SMARCC1: variants seen among roughly 807,000 people sequenced by gnomAD.
The protein encoded by SMARCC1 is SWI/SNF related BAF chromatin remodeling complex subunit C1, also known as SWI/SNF complex subunit SMARCC1.
SMARCC1 carries 43 observed loss-of-function variants against 147.4 expected under a neutral mutation model. That is an observed-to-expected ratio of 0.29 (90% CI 0.23 to 0.38). The LOEUF (loss-of-function observed/expected upper bound fraction) is 0.38, where lower values mean the gene tolerates loss of function less well. Among genes scored for constraint, SMARCC1 ranks in the 10% least tolerant of loss-of-function variants. The probability of loss-of-function intolerance (pLI) is 1.00; values close to 1 mark genes in which losing one functional copy is unlikely to be tolerated. For missense variants in SMARCC1, 1,119 were observed against 1,381.1 expected (o/e 0.81, Z 3.01); for synonymous variants, 495 against 484.4 (o/e 1.02, Z -0.29).
intron 26 of SMARCC1, among the ~76,000 whole-genome samples, chr3:47,594,586 G>A (rs993185348): frequency 1.3e-5 from 2 of 152,148 alleles, no homozygotes; most frequent in African/African-American, 4.8e-5. Flanking sequence ...TGCACATAAA[G>A]GAGTGAAAGG....
At chr3:47,736,621 G>A (rs1318180006) in intron 4 of SMARCC1, among the ~76,000 whole-genome samples, 1 of 150,834 alleles carries the variant, frequency 6.6e-6, no homozygotes, top group African/African-American at 2.4e-5. Flanking sequence ...AGCTTGCAGT[G>A]AGCCGAGATC....
At chr3:47,749,068 C>T (rs148299460) in intron 2 of SMARCC1, among the ~76,000 whole-genome samples, 8 of 152,010 alleles carry the variant, frequency 5.3e-5, no homozygotes, top group East Asian at 3.9e-4. Context: ...TTTGGGAGGC[C>T]GAGTTGGGTT....
At chr3:47,662,871 G>A (rs892141602) in intron 19 of SMARCC1, among the ~76,000 whole-genome samples, 2 of 151,122 alleles carry the variant, frequency 1.3e-5, no homozygotes, top group African/African-American at 2.4e-5. Context: ...TCAGGAGTTC[G>A]AGAGCAGCCT....
intron 11 of SMARCC1, among the ~76,000 whole-genome samples, chr3:47,695,464 T>C (rs1006123657): frequency 2.0e-5 from 3 of 152,066 alleles, no homozygotes; most frequent in East Asian, 1.9e-4. Context: ...CCTGTAGTGG[T>C]TGAATAAAAG....
chr3:47,672,797 T>C (rs868584849), intron 18 of SMARCC1, among the ~76,000 whole-genome samples: 3 of 151,300 alleles, frequency 2.0e-5, no homozygotes, highest in Admixed American at 6.6e-5. Context: ...TCTTCTTTTT[T>C]AGATGGAGTC....
At chr3:47,757,169 T>C (rs1372133161) in intron 2 of SMARCC1, among the ~76,000 whole-genome samples, 1 of 152,024 alleles carries the variant, frequency 6.6e-6, no homozygotes, top group African/African-American at 2.4e-5. Context: ...GAAGATCCTC[T>C]GAGCCCAGGC....
chr3:47,679,287 T>C (rs973987999), intron 15 of SMARCC1, among the ~76,000 whole-genome samples: 8 of 151,532 alleles, frequency 5.3e-5, no homozygotes, highest in African/African-American at 1.7e-4. Flanking sequence ...TTGACAGATA[T>C]GTACTTATAT....
intron 25 of SMARCC1, among the ~76,000 whole-genome samples, chr3:47,616,157 T>C (rs1468734154): frequency 6.6e-6 from 1 of 152,210 alleles, no homozygotes; most frequent in African/African-American, 2.4e-5. Flanking sequence ...GGCCCTTCAA[T>C]TCTCTCCAGG....
intron 18 of SMARCC1, among the ~76,000 whole-genome samples, chr3:47,671,742 A>T (rs896268393): frequency 2.6e-5 from 4 of 152,236 alleles, no homozygotes; most frequent in African/African-American, 7.2e-5. Flanking sequence ...AGCTATAAAC[A>T]TTACTAATTC....
Position 47,747,466 on chromosome 3 carries a change from A to AATATAAATATAAAT in SMARCC1, c.316-1487_316-1474dup, listed in dbSNP as rs1269234973. ...AAATATAAATATAAATATAAATATAAATATAAATATAAATATAAAAATTAG... is the reference window on the plus strand; with the variant it reads ...AAATATAAATATAAATATAAATATAAATATAAATATAAATATATAAATATAAATATAAAAATTAG... On this transcript the variant is annotated intron_variant, in intron 2 of 27. Coordinates refer to ENST00000254480, the MANE Select transcript of SMARCC1 (RefSeq NM_003074.4). 3.4e-5 allele frequency among the ~76,000 whole-genome samples: 5 copies of AATATAAATATAAAT among 146,908 alleles called. No individual in the cohort carries two copies. In the Admixed American group the frequency reaches 3.4e-4, roughly 10 times the overall value.
chr3:47,701,750 GT>G (rs2033920859), intron 10 of SMARCC1: 1 of 202,758 alleles, frequency 4.9e-6, no homozygotes, highest in African/African-American at 2.4e-5. Context: ...GAAGGTGGAG[GT>G]TGGAGTGAGC....
intron 1 of SMARCC1, among the ~76,000 whole-genome samples, chr3:47,778,987 CA>C (rs956231699): frequency 9.7e-5 from 14 of 144,574 alleles, no homozygotes; most frequent in African/African-American, 1.0e-4. Flanking sequence ...GACCCTGTCT[CA>C]AAAAAAAAAG....
intron 26 of SMARCC1, among the ~76,000 whole-genome samples, chr3:47,592,059 A>G (rs562665361): frequency 7.4e-4 from 113 of 152,174 alleles, no homozygotes; most frequent in Admixed American, 1.2e-3. Flanking sequence ...TAGAAATAAG[A>G]AAGCTTGATC....
chr3:47,629,348 G>A (rs1209024703), intron 24 of SMARCC1, among the ~76,000 whole-genome samples: 3 of 152,126 alleles, frequency 2.0e-5, no homozygotes, highest in African/African-American at 7.2e-5. Context: ...ATCATAATGA[G>A]ATAAAGCCAT....
chr3:47,670,466 T>C, intron 19 of SMARCC1, 192 bp downstream of exon 19: 2 of 555,268 alleles, frequency 3.6e-6, no homozygotes, highest in Non-Finnish European at 6.5e-6. Flanking sequence ...ACGCCCTTAG[T>C]CCCAGCTATT....
chr3:47,640,635 G>C (rs2033036455), intron 21 of SMARCC1, among the ~76,000 whole-genome samples: 1 of 152,040 alleles, frequency 6.6e-6, no homozygotes, highest in African/African-American at 2.4e-5. Context: ...TTACACTGGG[G>C]AATTCTACCA....
intron 21 of SMARCC1, 34 bp from the exon 22 acceptor site, chr3:47,638,814 T>C (rs1350015251): frequency 1.3e-6 from 2 of 1,494,516 alleles, no homozygotes; most frequent in African/African-American, 2.8e-5. Flanking sequence ...AGTACTCCAA[T>C]GTGGAAAAAG....
chr3:47,653,119 G>A (rs977179348), intron 21 of SMARCC1, among the ~76,000 whole-genome samples: 4 of 151,880 alleles, frequency 2.6e-5, no homozygotes, highest in Admixed American at 1.3e-4. Flanking sequence ...CACCGCGCCC[G>A]GCTAATTTTT....
intron 7 of SMARCC1, among the ~76,000 whole-genome samples, chr3:47,714,709 G>A (rs1024088874): frequency 1.3e-5 from 2 of 152,002 alleles, no homozygotes; most frequent in Non-Finnish European, 2.9e-5. Context: ...TGGAAGAATC[G>A]TTTGAACCCA....
Sources: allele counts gnomAD v4.1 joint callset (sites outside exome capture counted in the v4.1 genomes callset), GRCh38; gene constraint gnomAD v4.1.1; transcripts MANE v1.5; gene names NCBI Gene and HGNC (gene_info 2026-07-23, HGNC 2026-07-21).